The following SULF2 variants were observed in gnomAD, a reference collection of about 807,000 sequenced individuals.
SULF2 encodes extracellular sulfatase Sulf-2.
SULF2 carries 52 observed loss-of-function variants against 107.7 expected under a neutral mutation model. The observed-to-expected ratio is 0.48, with a 90% CI of 0.39 to 0.61. The LOEUF (loss-of-function observed/expected upper bound fraction) is 0.61. SULF2 is among the 20% of genes least tolerant of loss of function. SULF2 has a pLI of 0.00. For synonymous variants in SULF2, 460 were observed against 464.3 expected, an observed-to-expected ratio of 0.99 and a Z score of 0.12; for missense variants, 993 against 1,177.3, an observed-to-expected ratio of 0.84 and a Z score of 2.29.
At chr20:47,778,030 A>T (rs1390151403) in intron 1 of SULF2, among the ~76,000 whole-genome samples, 1 of 151,692 alleles carries the variant, frequency 6.6e-6, no homozygotes, top group Admixed American at 6.6e-5. Flanking sequence ...AGTCCCACCT[A>T]CTTGGGAGGC....
intron 11 of SULF2, among the ~76,000 whole-genome samples, chr20:47,669,352 T>C (rs2087386424): frequency 6.6e-6 from 1 of 152,160 alleles, no homozygotes; most frequent in African/African-American, 2.4e-5. Flanking sequence ...ACCTTACCAC[T>C]GCGGACACTT....
chr20:47,715,032 C>T (rs1600553533), intron 3 of SULF2, among the ~76,000 whole-genome samples: 1 of 152,122 alleles, frequency 6.6e-6, no homozygotes. Context: ...TATCCTCCCA[C>T]CTCAGCCTTC....
chr20:47,751,533 T>G (rs1329618101), intron 2 of SULF2, among the ~76,000 whole-genome samples: 1 of 152,178 alleles, frequency 6.6e-6, no homozygotes, highest in Non-Finnish European at 1.5e-5. Context: ...ATGGTGTTCA[T>G]GTGGGTCTAG....
intron 3 of SULF2, among the ~76,000 whole-genome samples, chr20:47,708,405 G>A (rs896341423): frequency 2.0e-5 from 3 of 152,132 alleles, no homozygotes; most frequent in Non-Finnish European, 2.9e-5. Flanking sequence ...CGGGGAAGAG[G>A]GGACAGATCC....
At chr20:47,772,778 G>A (rs571585274) in intron 1 of SULF2, among the ~76,000 whole-genome samples, 1 of 152,272 alleles carries the variant, frequency 6.6e-6, no homozygotes, top group African/African-American at 2.4e-5. Context: ...TGCGTGGACG[G>A]CTAAGATGAA....
intron 1 of SULF2, among the ~76,000 whole-genome samples, chr20:47,771,905 G>GT (rs1486859161): frequency 1.3e-5 from 2 of 152,174 alleles, no homozygotes; most frequent in East Asian, 3.9e-4. Context: ...TGCTGCTAGA[G>GT]TTTTTTACAG....
chr20:47,764,619 G>A (rs1363742448), intron 1 of SULF2, among the ~76,000 whole-genome samples: 1 of 152,192 alleles, frequency 6.6e-6, no homozygotes, highest in Non-Finnish European at 1.5e-5. Flanking sequence ...TGGGTGCCAG[G>A]AGGCATGAAT....
chr20:47,690,486 C>A (rs985788044), intron 4 of SULF2, among the ~76,000 whole-genome samples, 191 bp from the exon 5 acceptor site: 2 of 152,172 alleles, frequency 1.3e-5, no homozygotes, highest in Non-Finnish European at 2.9e-5. Flanking sequence ...AAATGCCAGA[C>A]AAATGATGCA....
chr20:47,748,274 G>A (rs989170929), intron 2 of SULF2, among the ~76,000 whole-genome samples: 2 of 152,224 alleles, frequency 1.3e-5, no homozygotes, highest in South Asian at 4.2e-4. Flanking sequence ...GCTCTTGCAC[G>A]TGCCGTGCTT....
chr20:47,677,215 A>G, intron 8 of SULF2, 81 bp from the exon 9 acceptor site: 1 of 1,493,324 alleles, frequency 6.7e-7, no homozygotes, highest in Non-Finnish European at 9.3e-7. Context: ...CAGGGACGGC[A>G]CCAGGAGTCA....
intron 2 of SULF2, among the ~76,000 whole-genome samples, chr20:47,756,888 C>A (rs544901321): frequency 2.4e-4 from 37 of 152,272 alleles, no homozygotes; most frequent in African/African-American, 8.2e-4. Context: ...TCAGGTGATC[C>A]ACCTGCCTCG....
intron 2 of SULF2, among the ~76,000 whole-genome samples, chr20:47,747,500 T>C (rs373679219): frequency 9.0e-4 from 137 of 152,196 alleles, no homozygotes; most frequent in African/African-American, 3.2e-3. Flanking sequence ...TTGGGTGTAA[T>C]TGACGAGGCT....
intron 3 of SULF2, among the ~76,000 whole-genome samples, chr20:47,725,512 T>C (rs2089416088): frequency 6.6e-6 from 1 of 152,164 alleles, no homozygotes; most frequent in South Asian, 2.1e-4. Context: ...TCCTTCACCA[T>C]CACCGGCAAT....
Position 47,749,703 on chromosome 20 carries a change from G to A in SULF2, c.175+7486C>T, listed in dbSNP as rs552091076. 1.2e-4 allele frequency among the ~76,000 whole-genome samples: 18 copies of A among 152,368 alleles called. 1 individual carries two copies. In the South Asian group the frequency reaches 3.5e-3, roughly 30 times the overall value. On this transcript the variant is annotated intron_variant, in intron 2 of 20. Coordinates refer to ENST00000688720, the MANE Select transcript of SULF2 (RefSeq NM_001387048.1). ...AAAGTGGAAAACAGGAGGCCGGCCAGACCTCTGCTACATCTTTCTTTCAAA... is the reference window on the plus strand; with the variant it reads ...AAAGTGGAAAACAGGAGGCCGGCCAAACCTCTGCTACATCTTTCTTTCAAA...
intron 13 of SULF2, among the ~76,000 whole-genome samples, chr20:47,665,605 A>G (rs2087237242): frequency 6.6e-6 from 1 of 152,202 alleles, no homozygotes; most frequent in Admixed American, 6.5e-5. Context: ...GGCCTCCTGT[A>G]GCGTAGACTT....
intron 3 of SULF2, among the ~76,000 whole-genome samples, chr20:47,732,239 GAC>G (rs537581199): frequency 1.4e-3 from 217 of 152,228 alleles, no homozygotes; most frequent in African/African-American, 5.0e-3. Flanking sequence ...CCATGTACCA[GAC>G]ACTGTTCTAA....
intron 4 of SULF2, among the ~76,000 whole-genome samples, chr20:47,693,557 G>A (rs374443087): frequency 9.2e-5 from 14 of 152,228 alleles, no homozygotes; most frequent in Admixed American, 6.5e-5. Flanking sequence ...GGATGAACAC[G>A]GATCAAACGT....
chr20:47,711,339 C>T (rs1182086855), intron 3 of SULF2, among the ~76,000 whole-genome samples: 2 of 152,190 alleles, frequency 1.3e-5, no homozygotes, highest in Non-Finnish European at 2.9e-5. Context: ...GGACTTTGTC[C>T]CCTGTGGTTG....
chr20:47,704,015 G>C (rs566944843), intron 3 of SULF2, among the ~76,000 whole-genome samples: 3 of 152,226 alleles, frequency 2.0e-5, no homozygotes, highest in Non-Finnish European at 4.4e-5. Context: ...ACTGGGGGAG[G>C]GTGGCTGGGA....
Sources: gnomAD v4.1 joint callset for allele counts (sites outside exome capture counted in the v4.1 genomes callset) on GRCh38, gnomAD v4.1.1 for gene constraint, MANE v1.5 for transcripts, NCBI Gene and HGNC (gene_info 2026-07-23, HGNC 2026-07-21) for gene names.